Variants in ANO2 observed in about 807,000 individuals in gnomAD.
ANO2 encodes anoctamin 2, also known as anoctamin-2.
In ANO2, 101 loss-of-function variants were observed where a neutral mutation model predicts 124.2. The ratio of observed to expected loss-of-function variants is 0.81; its 90% CI spans 0.69 to 0.96. ANO2 has a LOEUF of 0.96. ANO2 is among the 40% of genes least tolerant of loss of function. The probability of loss-of-function intolerance (pLI) is 0.00; values close to 1 mark genes in which losing one functional copy is unlikely to be tolerated. For missense variants in ANO2, 1,293 were observed against 1,274.5 expected (o/e 1.01, Z -0.22); for synonymous variants, 486 against 482.5 (o/e 1.01, Z -0.09).
chr12:5,700,590 C>G (rs1353935332), intron 14 of ANO2, among the ~76,000 whole-genome samples: 1 of 152,088 alleles, frequency 6.6e-6, no homozygotes, highest in East Asian at 1.9e-4. Context: ...TAACTAATAT[C>G]AGAGCAGAAC....
chr12:5,878,622 T>C (rs1393656567), intron 3 of ANO2, among the ~76,000 whole-genome samples: 3 of 152,208 alleles, frequency 2.0e-5, no homozygotes, highest in South Asian at 2.1e-4. Context: ...ACAAATAACA[T>C]AGACAAACAA....
intron 12 of ANO2, among the ~76,000 whole-genome samples, chr12:5,739,627 A>ACACACACACACACG (rs1439571854): frequency 2.7e-5 from 4 of 150,164 alleles, no homozygotes; most frequent in African/African-American, 4.9e-5. Flanking sequence ...ACACACACAC[A>ACACACACACACACG]CACGCTCCTT....
chr12:5,616,105 C>T (rs565088941), intron 16 of ANO2, among the ~76,000 whole-genome samples: 2 of 152,200 alleles, frequency 1.3e-5, no homozygotes, highest in South Asian at 4.1e-4. Flanking sequence ...TTCCAAGGGA[C>T]TCCACAGACA....
chr12:5,817,519 G>A (rs1370380284), intron 7 of ANO2, among the ~76,000 whole-genome samples: 1 of 152,142 alleles, frequency 6.6e-6, no homozygotes, highest in Non-Finnish European at 1.5e-5. Flanking sequence ...AAAGAGATTC[G>A]GTTTGATAAG....
chr12:5,903,296 G>C (rs12320367), intron 3 of ANO2, among the ~76,000 whole-genome samples: 36 of 151,988 alleles, frequency 2.4e-4, no homozygotes, highest in Non-Finnish European at 7.4e-5. Context: ...GAAACTCTAA[G>C]AACAGCTAAT....
At chr12:5,610,771 G>A (rs1944492388) in intron 19 of ANO2, among the ~76,000 whole-genome samples, 1 of 108,146 alleles carries the variant, frequency 9.2e-6, no homozygotes, top group Admixed American at 9.2e-5. Context: ...AAAAGGCCCA[G>A]CCTATCATGT....
chr12:5,649,410 A>G (rs963669761), intron 14 of ANO2, among the ~76,000 whole-genome samples: 9 of 152,192 alleles, frequency 5.9e-5, no homozygotes, highest in African/African-American at 1.4e-4. Flanking sequence ...CCATCACACA[A>G]TGAGAACAAG....
chr12:5,681,736 C>T (rs932555199), intron 14 of ANO2, among the ~76,000 whole-genome samples: 2 of 152,202 alleles, frequency 1.3e-5, no homozygotes, highest in Non-Finnish European at 2.9e-5. Context: ...CATTACTACT[C>T]ATAGACCCCT....
chr12:5,790,034 C>T (rs1389807733), intron 10 of ANO2, among the ~76,000 whole-genome samples: 3 of 152,190 alleles, frequency 2.0e-5, no homozygotes, highest in Admixed American at 6.5e-5. Flanking sequence ...TGGTAACTCA[C>T]AGGACGCCAG....
At chr12:5,589,586 CG>C (rs1170058170) in intron 20 of ANO2, among the ~76,000 whole-genome samples, 3 of 152,070 alleles carry the variant, frequency 2.0e-5, no homozygotes, top group East Asian at 1.9e-4. Context: ...TATGCCCTGG[CG>C]GGGGGGTGCT....
intron 15 of ANO2, among the ~76,000 whole-genome samples, chr12:5,640,645 C>T (rs549204951): frequency 1.1e-3 from 171 of 152,276 alleles, no homozygotes; most frequent in African/African-American, 4.0e-3. Flanking sequence ...CACTGGTCAT[C>T]AGAGAAATGC....
At chr12:5,610,497 T>C (rs1358971935) in intron 19 of ANO2, among the ~76,000 whole-genome samples, 1 of 140,018 alleles carries the variant, frequency 7.1e-6, no homozygotes, top group African/African-American at 2.6e-5. Flanking sequence ...ATATTTCATA[T>C]AGATATAAAT....
At chr12:5,715,466 C>A (rs142835683) in intron 14 of ANO2, among the ~76,000 whole-genome samples, 1 of 152,186 alleles carries the variant, frequency 6.6e-6, no homozygotes, top group African/African-American at 2.4e-5. Context: ...AAGTAACCCA[C>A]CCATTCCCAG....
At chr12:5,726,324 A>T (rs1950437443) in intron 14 of ANO2, among the ~76,000 whole-genome samples, 1 of 152,120 alleles carries the variant, frequency 6.6e-6, no homozygotes, top group African/African-American at 2.4e-5. Context: ...ACCCCACTAA[A>T]ATTTACACAA....
In ANO2 at chr12:5,769,554, C is replaced by A. The variant is rs1399943226; in HGVS notation, c.1056-18584G>T. Among the ~76,000 whole-genome samples the A allele has an allele frequency of 6.6e-6, 1 of 152,122 alleles. No individual in the cohort carries two copies. The highest frequency in any genetic ancestry group is 1.5e-5 in the Non-Finnish European group (1 of 68,020). On this transcript the variant is annotated intron_variant, in intron 10 of 24. Transcript: ENST00000682330. The surrounding 1 kb of genome is among the most constrained non-coding windows in gnomAD (Gnocchi z 4.0). ...AACCGAGTCACAGCATTGGCAGAAT[C>A]CTCATCTGAATCCAAGAGAAACGGT...
At chr12:5,640,462 T>G (rs566580092) in intron 15 of ANO2, among the ~76,000 whole-genome samples, 2 of 152,102 alleles carry the variant, frequency 1.3e-5, no homozygotes, top group Admixed American at 6.5e-5. Context: ...TGGGAGGAAA[T>G]TTTTGCAATC....
chr12:5,625,264 C>T (rs112791235), intron 16 of ANO2, among the ~76,000 whole-genome samples: 4,816 of 151,862 alleles, frequency 0.032, 252 homozygotes, highest in African/African-American at 0.11. Flanking sequence ...TGTCCAGGCA[C>T]AAACCAGTCA....
intron 4 of ANO2, among the ~76,000 whole-genome samples, chr12:5,846,781 A>G (rs970931387): frequency 1.1e-4 from 16 of 152,182 alleles, no homozygotes; most frequent in Admixed American, 7.9e-4. Flanking sequence ...TTATAGGGAT[A>G]CCTGTCATTG....
chr12:5,807,432 T>C (rs928870766), intron 7 of ANO2, 64 bp from the exon 8 acceptor site: 1 of 1,415,666 alleles, frequency 7.1e-7, no homozygotes, highest in East Asian at 2.5e-5. Flanking sequence ...TTAACCCCTG[T>C]TTTTTGATAA....
Sources: allele counts gnomAD v4.1 joint callset (sites outside exome capture counted in the v4.1 genomes callset), GRCh38; gene constraint gnomAD v4.1.1; non-coding constraint Gnocchi (gnomAD v3.1); transcripts MANE v1.5; gene names NCBI Gene and HGNC (gene_info 2026-07-23, HGNC 2026-07-21).